FMN1: variants seen among roughly 807,000 people sequenced by gnomAD.
FMN1 encodes the protein formin-1.
In FMN1, 110 loss-of-function variants were observed where a neutral mutation model predicts 132.4. The observed-to-expected ratio is 0.83, with a 90% CI of 0.71 to 0.97. The LOEUF is 0.97. Among genes scored for constraint, FMN1 ranks in the 50% least tolerant of loss-of-function variants. FMN1 has a pLI of 0.00. For missense variants in FMN1, 1,792 were observed against 1,705.3 expected, an observed-to-expected ratio of 1.05 and a Z score of -0.90; for synonymous variants, 722 against 651.7, an observed-to-expected ratio of 1.11 and a Z score of -1.64.
In FMN1 at chr15:32,781,506, G is replaced by A. The variant is rs149381513; in HGVS notation, c.4131-4587C>T. ...CCATCTGAAAAATGCATCAACGACCGGGCTATGCTATGTTCTGATAGATTT... is the reference window on the plus strand; with the variant it reads ...CCATCTGAAAAATGCATCAACGACCAGGCTATGCTATGTTCTGATAGATTT... On this transcript the variant is annotated intron_variant, in intron 19 of 20. Coordinates refer to ENST00000616417, the MANE Select transcript of FMN1 (RefSeq NM_001277313.2). 3.7e-4 allele frequency among the ~76,000 whole-genome samples: 56 copies of A among 152,224 alleles called. No individual in the cohort carries two copies. The East Asian group carries it at 5.2e-3, about 14-fold the overall frequency.
At chr15:32,907,964 G>A (rs1376385226) in intron 12 of FMN1, among the ~76,000 whole-genome samples, 1 of 152,104 alleles carries the variant, frequency 6.6e-6, no homozygotes, top group Non-Finnish European at 1.5e-5. Flanking sequence ...AGAGCAAGCA[G>A]CCATAGATAG....
intron 17 of FMN1, among the ~76,000 whole-genome samples, chr15:32,849,076 C>T (rs553451226): frequency 2.7e-4 from 41 of 150,362 alleles, no homozygotes; most frequent in Middle Eastern, 3.4e-3. Context: ...CTCTGCCTCC[C>T]GGGTTCATGC....
intron 17 of FMN1, among the ~76,000 whole-genome samples, chr15:32,805,133 A>G (rs1486866574): frequency 7.2e-5 from 11 of 152,176 alleles, no homozygotes. Context: ...AACAGTGTAA[A>G]AGCGTTCCTA....
intron 10 of FMN1, among the ~76,000 whole-genome samples, chr15:32,915,262 G>A (rs945495923): frequency 2.0e-5 from 3 of 152,136 alleles, no homozygotes; most frequent in African/African-American, 7.2e-5. Flanking sequence ...TTCCTAGAGA[G>A]CCAGAATCCA....
chr15:32,913,998 C>T (rs2060624029), intron 10 of FMN1, among the ~76,000 whole-genome samples: 1 of 152,122 alleles, frequency 6.6e-6, no homozygotes, highest in African/African-American at 2.4e-5. Flanking sequence ...TTGCTTCTTC[C>T]CAATTTGACC....
intron 19 of FMN1, among the ~76,000 whole-genome samples, chr15:32,783,489 G>C: frequency 6.6e-6 from 1 of 152,098 alleles, no homozygotes; most frequent in Admixed American, 6.5e-5. Context: ...GCTCACGCCT[G>C]TAATCCCAGC....
chr15:32,954,644 T>C (rs2061724140), intron 9 of FMN1, among the ~76,000 whole-genome samples: 4 of 152,240 alleles, frequency 2.6e-5, no homozygotes, highest in Admixed American at 2.6e-4. Context: ...TAAAATTCAG[T>C]CTTGGCCAAG....
intron 4 of FMN1, among the ~76,000 whole-genome samples, chr15:33,091,549 T>C (rs1290672954): frequency 2.6e-5 from 4 of 152,202 alleles, no homozygotes; most frequent in Admixed American, 2.6e-4. Context: ...AAGAATCATT[T>C]GGACAGAAAA....
intron 19 of FMN1, among the ~76,000 whole-genome samples, chr15:32,784,657 C>G (rs1367403249): frequency 2.0e-5 from 3 of 152,214 alleles, no homozygotes; most frequent in African/African-American, 4.8e-5. Flanking sequence ...CCACTCTCTT[C>G]TGCTTATTAC....
chr15:32,854,021 C>T (rs988859641), intron 17 of FMN1, among the ~76,000 whole-genome samples: 2 of 152,178 alleles, frequency 1.3e-5, no homozygotes, highest in Non-Finnish European at 2.9e-5. Context: ...TTCTAGTAGC[C>T]ACACTCAAGA....
At chr15:33,158,677 T>C (rs1192661099) in intron 3 of FMN1, among the ~76,000 whole-genome samples, 2 of 152,188 alleles carry the variant, frequency 1.3e-5, no homozygotes, top group African/African-American at 4.8e-5. Flanking sequence ...GGAGTTTCAC[T>C]ATCCCAGGAT....
In FMN1 at chr15:33,191,329, T is replaced by A. The variant is rs544451164; in HGVS notation, c.-197+2580A>T. ...AGAGATAGGCATAGTTCGAATAAGATGGAACATAAAACAAGTCAGTATCAA... is the reference window on the plus strand; with the variant it reads ...AGAGATAGGCATAGTTCGAATAAGAAGGAACATAAAACAAGTCAGTATCAA... On this transcript the variant is annotated intron_variant, in intron 2 of 20. Coordinates refer to ENST00000616417, the MANE Select transcript of FMN1 (RefSeq NM_001277313.2). Among the ~76,000 whole-genome samples the A allele has an allele frequency of 1.3e-4, 20 of 152,300 alleles. No individual in the cohort carries two copies. In the South Asian group the frequency reaches 3.9e-3, roughly 30 times the overall value.
intron 7 of FMN1, among the ~76,000 whole-genome samples, chr15:32,996,581 T>A (rs540930233): frequency 6.6e-5 from 10 of 152,278 alleles, no homozygotes; most frequent in Non-Finnish European, 1.3e-4. Context: ...AATGGTGTAA[T>A]AGCTCATTCA....
At chr15:33,111,522 G>C (rs550719873) in intron 4 of FMN1, among the ~76,000 whole-genome samples, 7 of 152,274 alleles carry the variant, frequency 4.6e-5, no homozygotes, top group Middle Eastern at 3.4e-3. Context: ...ACAAAAACTT[G>C]TACACAAATG....
intron 17 of FMN1, among the ~76,000 whole-genome samples, chr15:32,842,192 G>C (rs1163175564): frequency 3.3e-5 from 5 of 152,180 alleles, no homozygotes; most frequent in South Asian, 4.1e-4. Context: ...TCAGGAAAAA[G>C]CCAGTAACTA....
intron 9 of FMN1, among the ~76,000 whole-genome samples, chr15:32,950,022 T>TATATATACACATACACATATATATACAC (rs1555503210): frequency 3.0e-4 from 1 of 3,364 alleles, no homozygotes; most frequent in Non-Finnish European, 9.8e-4. Flanking sequence ...TATACACATA[T>TATATATACACATACACATATATATACAC]ATATATATAT....
At chr15:32,997,359 G>C (rs1596432738) in intron 7 of FMN1, among the ~76,000 whole-genome samples, 1 of 149,162 alleles carries the variant, frequency 6.7e-6, no homozygotes, top group Non-Finnish European at 1.5e-5. Flanking sequence ...AACTTGTGCA[G>C]ATCATCCTTT....
chr15:33,129,299 T>G (rs1963432765), intron 4 of FMN1, among the ~76,000 whole-genome samples: 1 of 152,176 alleles, frequency 6.6e-6, no homozygotes, highest in Non-Finnish European at 1.5e-5. Context: ...AATAATATAG[T>G]ATGCCATACT....
At chr15:32,961,292 C>G (rs1294717334) in intron 9 of FMN1, among the ~76,000 whole-genome samples, 1 of 151,808 alleles carries the variant, frequency 6.6e-6, no homozygotes, top group Non-Finnish European at 1.5e-5. Flanking sequence ...CGCCACCACA[C>G]CTGGCTAATA....
Sources: gnomAD v4.1 joint callset for allele counts (sites outside exome capture counted in the v4.1 genomes callset) on GRCh38, gnomAD v4.1.1 for gene constraint, MANE v1.5 for transcripts, NCBI Gene and HGNC (gene_info 2026-07-23, HGNC 2026-07-21) for gene names.